SMOC2: variants seen among roughly 807,000 people sequenced by gnomAD.
The protein encoded by SMOC2 is SPARC-related modular calcium-binding protein 2.
SMOC2 carries 39 observed loss-of-function variants against 61.4 expected under a neutral mutation model. The observed-to-expected ratio is 0.64, with a 90% CI of 0.49 to 0.83. SMOC2 has a LOEUF of 0.83. SMOC2 is among the 40% of genes least tolerant of loss of function. The pLI, the probability that SMOC2 is intolerant of heterozygous loss-of-function variation, is 0.00. For synonymous variants in SMOC2, 247 were observed against 239.9 expected (o/e 1.03, Z -0.27); for missense variants, 556 against 592.9 (o/e 0.94, Z 0.65).
At chr6:168,443,288 G>A (rs534605486) in intron 1 of SMOC2, among the ~76,000 whole-genome samples, 1 of 152,104 alleles carries the variant, frequency 6.6e-6, no homozygotes, top group East Asian at 1.9e-4. Context: ...TTTAAGACTC[G>A]GCAGGTTTTC....
chr6:168,664,050 AAT>A, intron 11 of SMOC2, 22 bp from the exon 12 acceptor site: 2 of 1,586,314 alleles, frequency 1.3e-6, no homozygotes, highest in Non-Finnish European at 1.7e-6. Flanking sequence ...GATTTTTAAT[AAT>A]ATCTTTTTTT....
intron 11 of SMOC2, among the ~76,000 whole-genome samples, chr6:168,659,022 G>T (rs1389206238): frequency 6.7e-6 from 1 of 148,852 alleles, no homozygotes; most frequent in African/African-American, 2.5e-5. Context: ...ATGGTGTGTG[G>T]GGGTGTGGTG....
At chr6:168,494,393 A>ACTTTGCCTCTCTTCTTC (rs1172895233) in intron 1 of SMOC2, among the ~76,000 whole-genome samples, 4 of 152,340 alleles carry the variant, frequency 2.6e-5, no homozygotes, top group African/African-American at 9.6e-5. Context: ...AAGAGTGAAT[A>ACTTTGCCTCTCTTCTTC]CTTTGCCTCT....
At chr6:168,627,898 G>T (rs1178604657) in intron 9 of SMOC2, among the ~76,000 whole-genome samples, 1 of 152,218 alleles carries the variant, frequency 6.6e-6, no homozygotes, top group Non-Finnish European at 1.5e-5. Flanking sequence ...CACAGGAGGG[G>T]CCCTCACACA....
At chr6:168,641,484 G>A (rs556922451) in intron 9 of SMOC2, among the ~76,000 whole-genome samples, 7 of 152,290 alleles carry the variant, frequency 4.6e-5, no homozygotes, top group Middle Eastern at 3.4e-3. Context: ...ATGACATAAC[G>A]TTGTCCTTGA....
intron 4 of SMOC2, among the ~76,000 whole-genome samples, chr6:168,530,059 C>G (rs981071293): frequency 2.6e-5 from 4 of 152,122 alleles, no homozygotes; most frequent in Non-Finnish European, 5.9e-5. Flanking sequence ...TTTTTGCCCT[C>G]AAGTTAATAC....
At chr6:168,525,329 G>A (rs960254494) in intron 2 of SMOC2, among the ~76,000 whole-genome samples, 1 of 152,136 alleles carries the variant, frequency 6.6e-6, no homozygotes, top group Non-Finnish European at 1.5e-5. Flanking sequence ...TTGATGCTGG[G>A]CTCACAGCTT....
intron 9 of SMOC2, among the ~76,000 whole-genome samples, chr6:168,609,007 T>C (rs1785783862): frequency 6.6e-6 from 1 of 152,214 alleles, no homozygotes. Flanking sequence ...ATTTGTACTG[T>C]CATTGGTAGA....
In SMOC2 at chr6:168,653,140, T is replaced by A; in HGVS notation, c.1197T>A (p.Asn399Lys). 6.2e-7 allele frequency: 1 copy of A among 1,614,152 alleles called. No individual in the cohort carries two copies. Among genetic ancestry groups the A allele is most frequent in the South Asian group, 1.1e-5 (1 of 91,082 alleles). The change falls in exon 11 of 13, where the codon AAT becomes AAA. Residue 399 changes from asparagine (N) to lysine (K), a missense_variant. Coordinates refer to ENST00000356284, the MANE Select transcript of SMOC2 (RefSeq NM_001166412.2). ...VKKFVEYCDV[N>K]NDKSISVQEL... ...AGTTTGTTGAATACTGTGACGTGAATAATGACAAATCCATCTCCGTACAAG... is the reference window on the plus strand; with the variant it reads ...AGTTTGTTGAATACTGTGACGTGAAAAATGACAAATCCATCTCCGTACAAG...
At chr6:168,608,865 G>A (rs578224695) in intron 9 of SMOC2, among the ~76,000 whole-genome samples, 2 of 152,268 alleles carry the variant, frequency 1.3e-5, no homozygotes, top group East Asian at 3.9e-4. Context: ...TCCAGATTGT[G>A]TATGTTTAAC....
At chr6:168,598,072 G>GAGCT (rs1302512957) in intron 7 of SMOC2, among the ~76,000 whole-genome samples, 1 of 152,218 alleles carries the variant, frequency 6.6e-6, no homozygotes, top group Non-Finnish European at 1.5e-5. Context: ...CACAATGCCT[G>GAGCT]GTGCACAGGC....
chr6:168,505,437 G>A (rs1782850495), intron 1 of SMOC2, among the ~76,000 whole-genome samples: 1 of 151,634 alleles, frequency 6.6e-6, no homozygotes, highest in East Asian at 1.9e-4. Context: ...GATGCTGGAT[G>A]AATGACTGAA....
In SMOC2 at chr6:168,505,443, C is replaced by A. The variant is rs575567375; in HGVS notation, c.85-4472C>A. 5.3e-5 allele frequency among the ~76,000 whole-genome samples: 8 copies of A among 150,178 alleles called. No homozygotes were observed. In the South Asian group the frequency reaches 1.7e-3, roughly 32 times the overall value. On this transcript the variant is annotated intron_variant, in intron 1 of 12. Coordinates refer to ENST00000356284, the MANE Select transcript of SMOC2 (RefSeq NM_001166412.2). ...CATCTCTCAGATGCTGGATGAATGA[C>A]TGAATGAAATGTCCATCTCTCAGAT...
At chr6:168,600,060 G>T (rs112949103) in intron 8 of SMOC2, among the ~76,000 whole-genome samples, 1,571 of 152,114 alleles carry the variant, frequency 0.01, 24 homozygotes, top group African/African-American at 0.035. Flanking sequence ...TCCAAGTGGC[G>T]ATCACCCAAC....
At chr6:168,563,853 A>G (rs1395705515) in intron 7 of SMOC2, among the ~76,000 whole-genome samples, 1 of 150,134 alleles carries the variant, frequency 6.7e-6, no homozygotes, top group East Asian at 2.0e-4. Flanking sequence ...ACTCCTCCCA[A>G]CCGGAGGCTC....
At chr6:168,556,902 T>G (rs1469790746) in intron 7 of SMOC2, among the ~76,000 whole-genome samples, 1 of 151,460 alleles carries the variant, frequency 6.6e-6, no homozygotes, top group Non-Finnish European at 1.5e-5. Context: ...GAAAAATGCC[T>G]TCCTCCCTAA....
intron 1 of SMOC2, 143 bp downstream of exon 1, chr6:168,441,597 G>A (rs1781209767): frequency 1.0e-5 from 12 of 1,202,864 alleles, no homozygotes; most frequent in Non-Finnish European, 1.3e-5. Flanking sequence ...GCCTTCGCCT[G>A]CCGGCGAGGC....
At chr6:168,559,070 ATGT>A (rs1784327840) in intron 7 of SMOC2, among the ~76,000 whole-genome samples, 1 of 152,252 alleles carries the variant, frequency 6.6e-6, no homozygotes, top group Admixed American at 6.5e-5. Context: ...CAAGATTTAC[ATGT>A]TGTTATGAAA....
rs1782506284 is a variant in SMOC2 at position 168,493,094 on chromosome 6, T to C, written c.85-16821T>C. Among the ~76,000 whole-genome samples the C allele has an allele frequency of 2.0e-5, 3 of 152,148 alleles. No individual in the cohort carries two copies. In the South Asian group the frequency reaches 6.2e-4, roughly 31 times the overall value. On this transcript the variant is annotated intron_variant, in intron 1 of 12. Transcript: ENST00000356284. ...CTCTGTCATCCATGCTGGAGTGCAG[T>C]GGCAGGATCTCAGCTCACTGCATCC...
Sources: allele counts gnomAD v4.1 joint callset (sites outside exome capture counted in the v4.1 genomes callset), GRCh38; gene constraint gnomAD v4.1.1; transcripts MANE v1.5; gene names NCBI Gene and HGNC (gene_info 2026-07-23, HGNC 2026-07-21).